FHOD3: variants seen among roughly 807,000 people sequenced by gnomAD.
FHOD3 encodes formin homology 2 domain containing 3.
Under a neutral mutation model 173.0 loss-of-function variants are expected in FHOD3, and 90 were observed. That is an observed-to-expected ratio of 0.52 (90% CI 0.44 to 0.62). The LOEUF (loss-of-function observed/expected upper bound fraction) is 0.62. FHOD3 is among the 20% of genes least tolerant of loss of function. FHOD3 has a pLI of 0.00. For missense variants in FHOD3, 1,945 were observed against 2,034.7 expected (o/e 0.96, Z 0.85); for synonymous variants, 828 against 823.0 (o/e 1.01, Z -0.10).
At chr18:36,747,721 G>A (rs1434400518) in intron 24 of FHOD3, among the ~76,000 whole-genome samples, 1 of 152,092 alleles carries the variant, frequency 6.6e-6, no homozygotes. Context: ...AAGGAGAATG[G>A]GGTCTGGAAC....
intron 14 of FHOD3, among the ~76,000 whole-genome samples, chr18:36,664,811 A>AGAGAGAGAGAGATT (rs1434593563): frequency 4.4e-4 from 65 of 149,008 alleles, no homozygotes; most frequent in South Asian, 3.2e-3. Flanking sequence ...AGAGAGAGAG[A>AGAGAGAGAGAGATT]GAGATTGAGA....
At chr18:36,543,729 A>T (rs985188441) in intron 5 of FHOD3, among the ~76,000 whole-genome samples, 11 of 152,212 alleles carry the variant, frequency 7.2e-5, no homozygotes, top group Admixed American at 7.2e-4. Context: ...AAAATGGGAC[A>T]AAGTACTGTT....
chr18:36,581,510 C>T (rs905975943), intron 6 of FHOD3, among the ~76,000 whole-genome samples: 2 of 152,208 alleles, frequency 1.3e-5, no homozygotes, highest in African/African-American at 4.8e-5. Flanking sequence ...CTTGCTCTGT[C>T]TAAGTTCCCA....
intron 10 of FHOD3, among the ~76,000 whole-genome samples, chr18:36,639,662 CA>C (rs565028489): frequency 2.0e-3 from 154 of 77,792 alleles, no homozygotes; most frequent in Admixed American, 3.3e-3. Flanking sequence ...GACTCCATCT[CA>C]AAAAAAAAAA....
At chr18:36,496,018 G>A (rs935685809) in intron 3 of FHOD3, among the ~76,000 whole-genome samples, 5 of 152,240 alleles carry the variant, frequency 3.3e-5, no homozygotes, top group East Asian at 1.9e-4. Flanking sequence ...GCCAGGTACC[G>A]TTCCTGGTTG....
intron 3 of FHOD3, among the ~76,000 whole-genome samples, chr18:36,406,515 C>A (rs1403788333): frequency 6.6e-6 from 1 of 152,076 alleles, no homozygotes; most frequent in Non-Finnish European, 1.5e-5. Flanking sequence ...GAGAGGGATG[C>A]AAATGCCTTT....
intron 20 of FHOD3, among the ~76,000 whole-genome samples, chr18:36,733,997 G>A (rs1336523749): frequency 6.6e-6 from 1 of 152,128 alleles, no homozygotes; most frequent in African/African-American, 2.4e-5. Flanking sequence ...CCAGGCCTGG[G>A]TTTGTGTGCT....
At chr18:36,659,780 T>G (rs1845021888) in intron 14 of FHOD3, among the ~76,000 whole-genome samples, 1 of 152,208 alleles carries the variant, frequency 6.6e-6, no homozygotes, top group Non-Finnish European at 1.5e-5. Context: ...AGCCCTGGGC[T>G]TGGATGTTCT....
intron 3 of FHOD3, among the ~76,000 whole-genome samples, chr18:36,398,430 T>C (rs555759992): frequency 6.6e-6 from 1 of 152,316 alleles, no homozygotes; most frequent in East Asian, 1.9e-4. Flanking sequence ...TTTGGATATA[T>C]ACCCAAGCAT....
intron 3 of FHOD3, among the ~76,000 whole-genome samples, chr18:36,414,719 C>T (rs1360235594): frequency 6.6e-6 from 1 of 152,220 alleles, no homozygotes; most frequent in African/African-American, 2.4e-5. Flanking sequence ...TTATTGACCA[C>T]ATTCTGTGGG....
intron 5 of FHOD3, among the ~76,000 whole-genome samples, chr18:36,521,879 G>A (rs1377922109): frequency 6.6e-6 from 1 of 152,186 alleles, no homozygotes. Context: ...CCATCCCAGG[G>A]AGGGTGATGT....
At chr18:36,329,789 C>T (rs2044889208) in intron 1 of FHOD3, among the ~76,000 whole-genome samples, 1 of 148,174 alleles carries the variant, frequency 6.7e-6, no homozygotes, top group Admixed American at 6.8e-5. Flanking sequence ...AGAGCCACAT[C>T]CCAACAGGAG....
intron 26 of FHOD3, among the ~76,000 whole-genome samples, chr18:36,759,423 C>T (rs1054966747): frequency 1.3e-5 from 2 of 152,172 alleles, no homozygotes; most frequent in African/African-American, 2.4e-5. Context: ...GCAGGTCTCT[C>T]CCTGCTGCTG....
chr18:36,477,534 C>A (rs372517291), intron 3 of FHOD3, among the ~76,000 whole-genome samples: 1 of 63,574 alleles, frequency 1.6e-5, no homozygotes, highest in African/African-American at 7.2e-5. Context: ...CATCCACCCA[C>A]CCACCCACCC....
At chr18:36,642,953 C>T (rs2149002803) in intron 10 of FHOD3, among the ~76,000 whole-genome samples, 1 of 151,804 alleles carries the variant, frequency 6.6e-6, no homozygotes, top group East Asian at 1.9e-4. Flanking sequence ...GTATTACACA[C>T]ATATGACACA....
At chr18:36,624,871 G>T (rs571635626) in intron 9 of FHOD3, among the ~76,000 whole-genome samples, 23 of 152,336 alleles carry the variant, frequency 1.5e-4, no homozygotes, top group African/African-American at 5.3e-4. Flanking sequence ...ACTTGTGTTT[G>T]CAAGCTTCTG....
chr18:36,454,013 A>T (rs2052018040), intron 3 of FHOD3, among the ~76,000 whole-genome samples: 1 of 152,180 alleles, frequency 6.6e-6, no homozygotes, highest in Admixed American at 6.5e-5. Flanking sequence ...TTGTGGTTGA[A>T]TTCCAAGATG....
intron 17 of FHOD3, among the ~76,000 whole-genome samples, chr18:36,708,709 G>T (rs1337953176): frequency 6.6e-6 from 1 of 152,192 alleles, no homozygotes; most frequent in Non-Finnish European, 1.5e-5. Flanking sequence ...TTGACCAGTG[G>T]TGGTTCTCAG....
chr18:36,577,558 C>G (rs1256669194), intron 6 of FHOD3, among the ~76,000 whole-genome samples: 1 of 152,210 alleles, frequency 6.6e-6, no homozygotes, highest in Non-Finnish European at 1.5e-5. Context: ...GCCTTGGCCT[C>G]TCAAAGTGCT....
Sources: gnomAD v4.1 joint callset for allele counts (sites outside exome capture counted in the v4.1 genomes callset) on GRCh38, gnomAD v4.1.1 for gene constraint, MANE v1.5 for transcripts, NCBI Gene and HGNC (gene_info 2026-07-23, HGNC 2026-07-21) for gene names.